The following CSMD1 variants were observed in gnomAD, a reference collection of about 807,000 sequenced individuals.
CSMD1 encodes the protein CUB and sushi domain-containing protein 1.
A neutral mutation model predicts 417.5 loss-of-function variants in CSMD1; 213 were observed. The ratio of observed to expected loss-of-function variants is 0.51; its 90% CI spans 0.46 to 0.57. The LOEUF (loss-of-function observed/expected upper bound fraction) is 0.57, where lower values mean the gene tolerates loss of function less well. Among genes scored for constraint, CSMD1 ranks in the 20% least tolerant of loss-of-function variants. The probability of loss-of-function intolerance (pLI) is 0.00; values close to 1 mark genes in which losing one functional copy is unlikely to be tolerated. For missense variants in CSMD1, 6,923 were observed against 4,529.7 expected (o/e 1.53, Z -15.17); for synonymous variants, 2,862 against 1,736.8 (o/e 1.65, Z -16.11).
intron 6 of CSMD1, among the ~76,000 whole-genome samples, chr8:3,715,347 G>C (rs111748902): frequency 6.6e-6 from 1 of 152,066 alleles, no homozygotes; most frequent in Non-Finnish European, 1.5e-5. Flanking sequence ...TTTCCTGAAG[G>C]ATGGAACCAT....
intron 27 of CSMD1, among the ~76,000 whole-genome samples, chr8:3,227,374 G>A (rs576304768): frequency 7.1e-4 from 108 of 152,076 alleles, no homozygotes; most frequent in African/African-American, 2.3e-3. Context: ...CTCCAGCCTC[G>A]GCAACTGAGT....
chr8:3,469,774 G>C (rs997646320), intron 11 of CSMD1, among the ~76,000 whole-genome samples: 2 of 152,130 alleles, frequency 1.3e-5, no homozygotes, highest in African/African-American at 4.8e-5. Context: ...TTCTTCAAAG[G>C]AAGAAGAACA....
chr8:3,485,706 G>T (rs1036550151), intron 11 of CSMD1, among the ~76,000 whole-genome samples: 2 of 151,706 alleles, frequency 1.3e-5, no homozygotes, highest in African/African-American at 2.4e-5. Flanking sequence ...GTTGCAGTGA[G>T]TTGAGATTGT....
chr8:3,450,518 G>A (rs1237182568), intron 12 of CSMD1, among the ~76,000 whole-genome samples: 3 of 148,580 alleles, frequency 2.0e-5, no homozygotes, highest in Non-Finnish European at 4.4e-5. Flanking sequence ...GTGTCCATGT[G>A]TTCTCATTGT....
intron 8 of CSMD1, among the ~76,000 whole-genome samples, chr8:3,601,458 T>C (rs967706762): frequency 1.2e-4 from 18 of 152,182 alleles, no homozygotes; most frequent in Non-Finnish European, 2.4e-4. Flanking sequence ...TAGTCACCTA[T>C]CTCTAATCTC....
intron 42 of CSMD1, among the ~76,000 whole-genome samples, chr8:3,114,159 G>A (rs1019632168): frequency 1.3e-5 from 2 of 152,142 alleles, no homozygotes; most frequent in Non-Finnish European, 2.9e-5. Context: ...TAGGAGGATT[G>A]CTTGAGCCTG....
At chr8:4,404,521 T>C (rs978233992) in intron 3 of CSMD1, among the ~76,000 whole-genome samples, 2 of 152,138 alleles carry the variant, frequency 1.3e-5, no homozygotes, top group African/African-American at 4.8e-5. Context: ...GGGCAAAAAA[T>C]AAGTTTCATG....
At chr8:4,248,441 G>A (rs971389517) in intron 3 of CSMD1, among the ~76,000 whole-genome samples, 4 of 152,072 alleles carry the variant, frequency 2.6e-5, no homozygotes, top group African/African-American at 9.7e-5. Flanking sequence ...TTGAACATAA[G>A]ATCCTAATTA....
intron 3 of CSMD1, among the ~76,000 whole-genome samples, chr8:4,037,966 A>C (rs1797703495): frequency 6.6e-6 from 1 of 152,204 alleles, no homozygotes; most frequent in African/African-American, 2.4e-5. Flanking sequence ...GTTATTTTAG[A>C]AACAATGAAT....
At chr8:3,626,578 C>A (rs1256223328) in intron 7 of CSMD1, among the ~76,000 whole-genome samples, 1 of 151,336 alleles carries the variant, frequency 6.6e-6, no homozygotes, top group Non-Finnish European at 1.5e-5. Context: ...ATTTGTCATT[C>A]CCTAGATTTA....
At chr8:3,745,465 T>A (rs1797022319) in intron 6 of CSMD1, among the ~76,000 whole-genome samples, 1 of 152,222 alleles carries the variant, frequency 6.6e-6, no homozygotes, top group African/African-American at 2.4e-5. Flanking sequence ...TGACGTAATC[T>A]GAGACAGTCT....
intron 5 of CSMD1, among the ~76,000 whole-genome samples, chr8:3,883,049 A>C (rs1403591): frequency 6.6e-6 from 1 of 152,110 alleles, no homozygotes; most frequent in Non-Finnish European, 1.5e-5. Context: ...GAACATATCT[A>C]AGAGCCACTG....
At chr8:4,453,908 G>A (rs1464616823) in intron 2 of CSMD1, among the ~76,000 whole-genome samples, 10 of 128,078 alleles carry the variant, frequency 7.8e-5, no homozygotes, top group Non-Finnish European at 1.1e-4. Context: ...TGCCAGCTCC[G>A]CCTCCCAGGT....
Position 3,187,365 on chromosome 8 carries a change from G to A in CSMD1, c.5620+504C>T, listed in dbSNP as rs117642121. On this transcript the variant is annotated intron_variant, in intron 36 of 69. Coordinates refer to ENST00000635120, the MANE Select transcript of CSMD1 (RefSeq NM_033225.6). ...ATTTGGAGAGCAGACTCGTCAAGGC[G>A]GGTGCATTCGTGAGAGTCGGAGGTG... Among the ~76,000 whole-genome samples, 949 of 152,268 alleles carry A rather than the reference G, an allele frequency of 6.2e-3. 4 individuals are homozygous for A. The highest frequency in any genetic ancestry group is 0.02 in the South Asian group (97 of 4,818).
At chr8:3,545,119 A>T (rs747171874) in intron 10 of CSMD1, among the ~76,000 whole-genome samples, 81 of 152,286 alleles carry the variant, frequency 5.3e-4, no homozygotes, top group Middle Eastern at 6.8e-3. Flanking sequence ...ATCAAAGCAG[A>T]TCGTCTCTCT....
chr8:3,227,494 A>G (rs1265286972), intron 27 of CSMD1, among the ~76,000 whole-genome samples: 1 of 152,186 alleles, frequency 6.6e-6, no homozygotes, highest in Non-Finnish European at 1.5e-5. Context: ...ATTTTGCAAC[A>G]TGAGTGCTCA....
intron 37 of CSMD1, among the ~76,000 whole-genome samples, chr8:3,164,801 G>A (rs1402935364): frequency 1.3e-5 from 2 of 152,100 alleles, no homozygotes; most frequent in African/African-American, 4.8e-5. Flanking sequence ...AATGAAAAGT[G>A]AAACATTACA....
chr8:4,290,531 T>C (rs1224161399), intron 3 of CSMD1, among the ~76,000 whole-genome samples: 1 of 152,192 alleles, frequency 6.6e-6, no homozygotes, highest in Admixed American at 6.5e-5. Context: ...CTCTGAGTTA[T>C]GGGGGAAAAC....
chr8:3,300,581 G>A (rs1446847959), intron 25 of CSMD1, among the ~76,000 whole-genome samples: 1 of 151,964 alleles, frequency 6.6e-6, no homozygotes, highest in Non-Finnish European at 1.5e-5. Flanking sequence ...AAATTTCCTA[G>A]GCATTTATTC....
Sources: gnomAD v4.1 joint callset for allele counts (sites outside exome capture counted in the v4.1 genomes callset) on GRCh38, gnomAD v4.1.1 for gene constraint, MANE v1.5 for transcripts, NCBI Gene and HGNC (gene_info 2026-07-23, HGNC 2026-07-21) for gene names.